The following EDA variants were observed in gnomAD, a reference collection of about 807,000 sequenced individuals.
EDA encodes ectodysplasin-A.
EDA carries 2 observed loss-of-function variants against 23.6 expected under a neutral mutation model. The observed-to-expected ratio is 0.08, with a 90% CI of 0.03 to 0.27. EDA has a LOEUF of 0.27. Among genes scored for constraint, EDA ranks in the 10% least tolerant of loss-of-function variants. EDA has a pLI of 1.00. For synonymous variants in EDA, 131 were observed against 132.0 expected (o/e 0.99, Z 0.05); for missense variants, 229 against 324.2 (o/e 0.71, Z 2.26).
At chrX:69,855,447 G>A (rs2017225406) in intron 1 of EDA, among the ~76,000 whole-genome samples, 1 of 111,582 alleles carries the variant, frequency 9.0e-6, no homozygotes, top group South Asian at 3.8e-4. Context: ...TGTAGTTTTG[G>A]GTTTTACATT....
At chrX:69,762,744 C>T (rs1183842676) in intron 1 of EDA, among the ~76,000 whole-genome samples, 2 of 111,891 alleles carry the variant, frequency 1.8e-5, no homozygotes, top group Non-Finnish European at 3.8e-5. Flanking sequence ...AAGGTGATTT[C>T]CCTTCACACT....
At chrX:69,729,166 A>C (rs1475738133) in intron 1 of EDA, 1 of 110,995 alleles carries the variant, frequency 9.0e-6, no homozygotes, top group Non-Finnish European at 1.9e-5. Context: ...TTTCACTGAG[A>C]AAAAAGAAAG....
At chrX:69,674,110 T>TCTAC (rs1174166430) in intron 1 of EDA, among the ~76,000 whole-genome samples, 1 of 99,831 alleles carries the variant, frequency 1.0e-5, no homozygotes, top group Non-Finnish European at 1.9e-5. Context: ...AGCCTATCTA[T>TCTAC]CTATCTATCT....
chrX:69,753,703 G>T (rs1329824395), intron 1 of EDA, among the ~76,000 whole-genome samples: 8 of 111,432 alleles, frequency 7.2e-5, no homozygotes, highest in African/African-American at 2.3e-4. Context: ...TATTGTCTGG[G>T]TGTCTAAGTC....
At chrX:69,963,121 T>A (rs1395544770) in intron 2 of EDA, among the ~76,000 whole-genome samples, 1 of 112,161 alleles carries the variant, frequency 8.9e-6, no homozygotes, top group East Asian at 2.8e-4. Flanking sequence ...TCTTTTCTAC[T>A]ATTATAAAAG....
intron 1 of EDA, among the ~76,000 whole-genome samples, chrX:69,752,203 G>T (rs1046801383): frequency 9.0e-6 from 1 of 111,251 alleles, no homozygotes; most frequent in South Asian, 3.8e-4. Context: ...GTTTGATATT[G>T]GCTGTGGGTT....
rs138430092 is a variant in EDA at position 70,004,365 on chromosome X, C to T, written c.503-18853C>T. ...TACTTGAGATTGGGATGGGATGGGG[C>T]GGGATGAAAATCAACTTGCAAACCC... is the stretch of plus-strand genomic sequence containing the variant. On this transcript the variant is annotated intron_variant, in intron 2 of 7. Coordinates refer to ENST00000374552, the MANE Select transcript of EDA (RefSeq NM_001399.5). Among the ~76,000 whole-genome samples the T allele has an allele frequency of 2.8e-3, 314 of 111,350 alleles. 2 individuals carry two copies. The highest frequency in any genetic ancestry group is 9.8e-3 in the African/African-American group (300 of 30,635).
intron 1 of EDA, among the ~76,000 whole-genome samples, chrX:69,852,681 G>A (rs1304752338): frequency 2.7e-5 from 3 of 111,214 alleles, no homozygotes; most frequent in Admixed American, 9.6e-5. Context: ...AGGGTCACAG[G>A]CATATTGGAT....
chrX:69,858,557 A>G (rs188890643), intron 1 of EDA, among the ~76,000 whole-genome samples: 2 of 111,936 alleles, frequency 1.8e-5, no homozygotes, highest in Non-Finnish European at 3.8e-5. Context: ...TGTTGAACCA[A>G]CCTTGCATCC....
chrX:69,945,651 A>T (rs1288693629), intron 1 of EDA, among the ~76,000 whole-genome samples: 1 of 111,869 alleles, frequency 8.9e-6, no homozygotes, highest in Non-Finnish European at 1.9e-5. Flanking sequence ...ACTTCATTTC[A>T]TTTGTTTATA....
At chrX:69,931,570 A>G (rs993351428) in intron 1 of EDA, among the ~76,000 whole-genome samples, 1 of 111,683 alleles carries the variant, frequency 9.0e-6, no homozygotes, top group African/African-American at 3.3e-5. Flanking sequence ...ACACTTCACT[A>G]AAGAAGATAT....
At chrX:69,925,622 TTG>T (rs1449715675) in intron 1 of EDA, among the ~76,000 whole-genome samples, 1 of 111,121 alleles carries the variant, frequency 9.0e-6, no homozygotes, top group African/African-American at 3.3e-5. Flanking sequence ...TCTGTTTTTG[TTG>T]TGTCTCTTCC....
intron 1 of EDA, among the ~76,000 whole-genome samples, chrX:69,856,774 T>C (rs2017265227): frequency 9.0e-6 from 1 of 111,081 alleles, no homozygotes; most frequent in African/African-American, 3.3e-5. Flanking sequence ...CGTTAGTCCT[T>C]TGTCAGATGC....
chrX:69,705,086 C>T (rs771316741), intron 1 of EDA, among the ~76,000 whole-genome samples: 6 of 108,683 alleles, frequency 5.5e-5, no homozygotes, highest in Non-Finnish European at 7.6e-5. Flanking sequence ...AGCTGGATGT[C>T]GTGATGGGCA....
intron 1 of EDA, among the ~76,000 whole-genome samples, chrX:69,927,558 C>T (rs745684198): frequency 9.0e-6 from 1 of 111,098 alleles, no homozygotes; most frequent in South Asian, 3.8e-4. Flanking sequence ...GGTGACCTAG[C>T]CTTTCTCTCT....
At position 70,035,755 on chromosome X, in the gene EDA, T is replaced by C; in HGVS notation, c.*146T>C. 1.3e-6 allele frequency: 1 copy of C among 755,645 alleles called. No homozygotes were observed. Among genetic ancestry groups the C allele is most frequent in the Non-Finnish European group, 1.9e-6 (1 of 519,152 alleles). 62.3% of individuals were successfully genotyped at this position (755,645 alleles called of 1,213,427 possible). ...CCAGTGTTATTTATTCCCCAGTGAC[T>C]CCAGGGTGACAAGGCCTGCTTGACT... is the stretch of plus-strand genomic sequence containing the variant. On this transcript the variant is annotated 3_prime_UTR_variant, in exon 8 of 8. Coordinates refer to ENST00000374552, the MANE Select transcript of EDA (RefSeq NM_001399.5).
chrX:69,939,355 T>C (rs1411706692), intron 1 of EDA, among the ~76,000 whole-genome samples: 1 of 112,011 alleles, frequency 8.9e-6, no homozygotes, highest in Non-Finnish European at 1.9e-5. Flanking sequence ...TATTTGTGGC[T>C]ATTTTAATGG....
At chrX:69,912,594 G>A (rs2018281358) in intron 1 of EDA, among the ~76,000 whole-genome samples, 1 of 111,044 alleles carries the variant, frequency 9.0e-6, no homozygotes, top group African/African-American at 3.3e-5. Flanking sequence ...CAGGCATATT[G>A]TCCATGAGCA....
chrX:69,865,656 A>G (rs1473159407), intron 1 of EDA, among the ~76,000 whole-genome samples: 2 of 111,468 alleles, frequency 1.8e-5, no homozygotes, highest in African/African-American at 6.5e-5. Context: ...GTATCCCTCA[A>G]TCCAATCAAG....
Sources: allele counts gnomAD v4.1 joint callset (sites outside exome capture counted in the v4.1 genomes callset), GRCh38; gene constraint gnomAD v4.1.1; transcripts MANE v1.5; gene names NCBI Gene and HGNC (gene_info 2026-07-23, HGNC 2026-07-21).